CYP19A1: variants seen among roughly 807,000 people sequenced by gnomAD.
The protein encoded by CYP19A1 is cytochrome P450 family 19 subfamily A member 1.
A neutral mutation model predicts 44.4 loss-of-function variants in CYP19A1; 32 were observed. That is an observed-to-expected ratio of 0.72 (90% CI 0.54 to 0.97). The LOEUF (loss-of-function observed/expected upper bound fraction) is 0.97. CYP19A1 is among the 50% of genes least tolerant of loss of function. The probability of loss-of-function intolerance (pLI) is 0.00; values close to 1 mark genes in which losing one functional copy is unlikely to be tolerated. For synonymous variants in CYP19A1, 212 were observed against 215.6 expected, an observed-to-expected ratio of 0.98 and a Z score of 0.14; for missense variants, 598 against 637.8, an observed-to-expected ratio of 0.94 and a Z score of 0.67.
intron 1 of CYP19A1, among the ~76,000 whole-genome samples, chr15:51,281,460 C>A (rs150549196): frequency 6.6e-6 from 1 of 152,322 alleles, no homozygotes; most frequent in African/African-American, 2.4e-5. Flanking sequence ...GGAGCCAGAG[C>A]ACTGCGGGCA....
intron 1 of CYP19A1, among the ~76,000 whole-genome samples, chr15:51,284,019 G>C (rs1444988931): frequency 6.6e-6 from 1 of 152,196 alleles, no homozygotes; most frequent in Non-Finnish European, 1.5e-5. Context: ...GTCTAAATTT[G>C]AAAGGTGTTG....
intron 4 of CYP19A1, among the ~76,000 whole-genome samples, chr15:51,223,593 T>TCACACACACA (rs5812545): frequency 0.023 from 2,035 of 90,180 alleles, 48 homozygotes; most frequent in African/African-American, 0.029. Context: ...TCTCTCTCTC[T>TCACACACACA]CACACACACA....
chr15:51,288,407 T>C (rs949953130), intron 1 of CYP19A1, among the ~76,000 whole-genome samples: 9 of 152,094 alleles, frequency 5.9e-5, no homozygotes, highest in African/African-American at 2.2e-4. Flanking sequence ...GCTACTTGAG[T>C]CACAGCTTCT....
chr15:51,215,272 T>G (rs1305830542), intron 7 of CYP19A1, 40 bp from the exon 8 acceptor site: 1 of 1,613,490 alleles, frequency 6.2e-7, no homozygotes, highest in Non-Finnish European at 8.5e-7. Flanking sequence ...GAAAAGTGAA[T>G]CAAAGTTTCA....
At chr15:51,290,921 G>A (rs1005689615) in intron 1 of CYP19A1, among the ~76,000 whole-genome samples, 1 of 152,146 alleles carries the variant, frequency 6.6e-6, no homozygotes, top group African/African-American at 2.4e-5. Flanking sequence ...AGAGCCCAAT[G>A]CCCAAGTACA....
At chr15:51,331,161 A>T (rs950444600) in intron 1 of CYP19A1, among the ~76,000 whole-genome samples, 6 of 152,012 alleles carry the variant, frequency 3.9e-5, no homozygotes, top group Non-Finnish European at 8.8e-5. Context: ...CGTCAGCTTT[A>T]TTAGGGATAA....
In CYP19A1 at chr15:51,210,854, TC is replaced by T; in HGVS notation, c.1465del (p.Glu489LysfsTer2). 1 of 1,598,714 alleles carries T rather than the reference TC, an allele frequency of 6.3e-7. No individual in the cohort carries two copies. Among genetic ancestry groups the T allele is most frequent in the Non-Finnish European group, 8.6e-7 (1 of 1,165,916 alleles). Reference sequence around the variant, plus strand: ...TGAGTTTCTTGGGGTAAAGATCATTTCCAGCATGTTTTTAGTCTCATCTGGG... The same window carrying T: ...TGAGTTTCTTGGGGTAAAGATCATTTCAGCATGTTTTTAGTCTCATCTGGG... ...LHPDETKNML[E>X]MIFTPRNSDR... is the part of the protein sequence containing the mutation. On this transcript the variant is annotated frameshift_variant, in exon 10 of 10. Transcript: ENST00000396402. LOFTEE classifies it high-confidence loss of function.
At chr15:51,223,487 A>G (rs1272074987) in intron 4 of CYP19A1, among the ~76,000 whole-genome samples, 1 of 151,934 alleles carries the variant, frequency 6.6e-6, no homozygotes, top group Non-Finnish European at 1.5e-5. Flanking sequence ...TGTTAACATC[A>G]GAGTCTTTGA....
In CYP19A1 at chr15:51,215,190, A is replaced by G. The variant is rs776512401; in HGVS notation, c.901T>C (p.Leu301=). 12 of 1,614,002 alleles carry G rather than the reference A, an allele frequency of 7.4e-6. No individual in the cohort carries two copies. The highest frequency in any genetic ancestry group is 1.6e-4 in the Middle Eastern group (1 of 6,082). The change falls in exon 8 of 10, where the codon TTG becomes CTG. Residue 301 remains leucine, a synonymous_variant. Transcript: ENST00000396402. ...TCAGGAGCTGCGATCAGCATTTCCA[A>G]TATGCACTGGTTCACATTCTCTCTT... ...LTRENVNQCI[L]EMLIAAPDTM... is the part of the protein sequence containing the mutation.
chr15:51,208,464 G>A lies in CYP19A1; in HGVS notation c.*2344C>T, dbSNP rs1162274141. 2.0e-5 allele frequency: 3 copies of A among 152,130 alleles called. No individual in the cohort carries two copies. Among genetic ancestry groups the A allele is most frequent in the African/African-American group, 7.2e-5 (3 of 41,422 alleles). The allele number at this position is 152,130 out of a possible 1,614,324, so 9.4% of individuals were successfully genotyped here. A position where few individuals can be genotyped will look rare whatever the true frequency, so the allele number is the denominator to read the frequency against. On this transcript the variant is annotated 3_prime_UTR_variant, in exon 10 of 10. Transcript: ENST00000396402. ...CAGTTCTTTCAGAACTGATGAAAAT[G>A]GAATCCACAGCACATTGCACATTCA... is the stretch of plus-strand genomic sequence containing the variant.
At chr15:51,257,595 G>A (rs2034560913) in intron 1 of CYP19A1, among the ~76,000 whole-genome samples, 1 of 152,224 alleles carries the variant, frequency 6.6e-6, no homozygotes, top group South Asian at 2.1e-4. Flanking sequence ...CATGGCGTAA[G>A]GAATCCAAAC....
At chr15:51,270,251 G>C in intron 1 of CYP19A1, among the ~76,000 whole-genome samples, 1 of 152,096 alleles carries the variant, frequency 6.6e-6, no homozygotes, top group Non-Finnish European at 1.5e-5. Flanking sequence ...ACTGCTGAGA[G>C]TATATAAGAA....
At position 51,211,573 on chromosome 15, in the gene CYP19A1, T is replaced by A. The variant is rs939103889; in HGVS notation, c.1264-517A>T. 1.6e-5 allele frequency: 6 copies of A among 375,726 alleles called. No homozygotes were observed. The East Asian group carries it at 4.7e-4, about 29-fold the overall frequency. 23.3% of individuals were successfully genotyped at this position (375,726 alleles called of 1,614,324 possible). ...TGCCTGGCATATAGTAGATGTTCAATAAATTTTTGTTGATCAGTTGACTGA... is the reference window on the plus strand; with the variant it reads ...TGCCTGGCATATAGTAGATGTTCAAAAAATTTTTGTTGATCAGTTGACTGA... On this transcript the variant is annotated intron_variant, in intron 9 of 9. Transcript: ENST00000396402.
chr15:51,329,944 G>A (rs1259839443), intron 1 of CYP19A1, among the ~76,000 whole-genome samples: 2 of 152,204 alleles, frequency 1.3e-5, no homozygotes, highest in African/African-American at 4.8e-5. Context: ...CACAGTCGGA[G>A]CAGCTAGCCC....
At chr15:51,218,052 A>T (rs923096519) in intron 6 of CYP19A1, among the ~76,000 whole-genome samples, 2 of 152,166 alleles carry the variant, frequency 1.3e-5, no homozygotes, top group African/African-American at 4.8e-5. Context: ...AATTTCAAAA[A>T]CCCACACACA....
chr15:51,250,502 C>T (rs142346917), intron 1 of CYP19A1, among the ~76,000 whole-genome samples: 23 of 152,346 alleles, frequency 1.5e-4, no homozygotes, highest in South Asian at 6.2e-4. Context: ...TCCTCAGATA[C>T]CTAATCTATT....
chr15:51,310,400 G>GCAA (rs964424673), intron 1 of CYP19A1, among the ~76,000 whole-genome samples: 2 of 152,332 alleles, frequency 1.3e-5, no homozygotes, highest in African/African-American at 4.8e-5. Context: ...GTCATAGACA[G>GCAA]CAACAACCCC....
At chr15:51,227,473 C>T (rs531840779) in intron 4 of CYP19A1, among the ~76,000 whole-genome samples, 1 of 151,888 alleles carries the variant, frequency 6.6e-6, no homozygotes, top group Non-Finnish European at 1.5e-5. Flanking sequence ...TTGAGCCCAG[C>T]CTGGTCTCAA....
intron 1 of CYP19A1, among the ~76,000 whole-genome samples, chr15:51,249,473 C>T (rs566271886): frequency 6.6e-6 from 1 of 152,304 alleles, no homozygotes; most frequent in South Asian, 2.1e-4. Flanking sequence ...GGGTCTTGGA[C>T]TACTACTGCT....
Sources: gnomAD v4.1 joint callset for allele counts (sites outside exome capture counted in the v4.1 genomes callset) on GRCh38, gnomAD v4.1.1 for gene constraint, MANE v1.5 for transcripts, NCBI Gene and HGNC (gene_info 2026-07-23, HGNC 2026-07-21) for gene names.